RP1: variants seen among roughly 807,000 people sequenced by gnomAD.
The protein encoded by RP1 is oxygen-regulated protein 1.
A neutral mutation model predicts 14.8 loss-of-function variants in RP1; 16 were observed. That is an observed-to-expected ratio of 1.08 (90% confidence interval 0.73 to 1.65). RP1 has a LOEUF of 1.65. Ranked by LOEUF, RP1 falls within the 40% of genes most tolerant of loss-of-function variation. The probability of loss-of-function intolerance (pLI) is 0.00; values close to 1 mark genes in which losing one functional copy is unlikely to be tolerated. For missense variants in RP1, 2,631 were observed against 2,535.0 expected, an observed-to-expected ratio of 1.04 and a Z score of -0.81; for synonymous variants, 876 against 883.6, an observed-to-expected ratio of 0.99 and a Z score of 0.15.
chr8:54,678,604 C>T, intron 9 of RP1: 1 of 1,300,910 alleles, frequency 7.7e-7, no homozygotes, highest in Non-Finnish European at 1.1e-6. Flanking sequence ...GCATTGAGAA[C>T]TGGGTAACTT....
At chr8:54,843,347 G>C (rs913518259) in intron 25 of RP1, among the ~76,000 whole-genome samples, 1 of 152,124 alleles carries the variant, frequency 6.6e-6, no homozygotes, top group African/African-American at 2.4e-5. Context: ...CTCCCAAAAG[G>C]CTGGGATTAC....
chr8:54,831,750 C>T (rs1181489336), intron 24 of RP1, among the ~76,000 whole-genome samples: 2 of 151,480 alleles, frequency 1.3e-5, no homozygotes, highest in Non-Finnish European at 3.0e-5. Flanking sequence ...ATCCATGCTC[C>T]TCCTTTTTTG....
chr8:54,794,701 G>A, intron 24 of RP1, among the ~76,000 whole-genome samples: 1 of 151,832 alleles, frequency 6.6e-6, no homozygotes, highest in Non-Finnish European at 1.5e-5. Flanking sequence ...CAGAAGCACA[G>A]GCAACACAAG....
intron 12 of RP1, among the ~76,000 whole-genome samples, chr8:54,683,531 C>G (rs1361131572): frequency 1.3e-5 from 2 of 152,054 alleles, no homozygotes; most frequent in African/African-American, 4.8e-5. Flanking sequence ...TCCTTGTTAG[C>G]TGTATTCCTA....
At chr8:54,701,528 C>T in exon 14 of RP1, 1 of 1,535,504 alleles carries the variant, frequency 6.5e-7, no homozygotes, top group African/African-American at 1.4e-5. Context: ...GCTTTATCAG[C>T]CTAACCGCTG....
At chr8:54,783,517 T>G in intron 23 of RP1, 1 of 1,182,198 alleles carries the variant, frequency 8.5e-7, no homozygotes, top group Non-Finnish European at 1.1e-6. Flanking sequence ...TCCCCTATAC[T>G]TTTATATTGA....
chr8:54,790,317 C>G (rs1202019984), intron 24 of RP1, among the ~76,000 whole-genome samples: 1 of 152,170 alleles, frequency 6.6e-6, no homozygotes, highest in South Asian at 2.1e-4. Context: ...TCTAAAACTC[C>G]AGGCTGGGCT....
chr8:54,763,805 C>A (rs1386415083), intron 22 of RP1, among the ~76,000 whole-genome samples: 1 of 152,206 alleles, frequency 6.6e-6, no homozygotes, highest in Admixed American at 6.5e-5. Context: ...GGCACATTCA[C>A]CTGAGGAATA....
intron 1 of RP1, among the ~76,000 whole-genome samples, chr8:54,568,031 ACT>A (rs1419254768): frequency 6.6e-6 from 1 of 152,020 alleles, no homozygotes; most frequent in East Asian, 1.9e-4. Flanking sequence ...CTAAAACCAG[ACT>A]CTATTTTTCC....
intron 12 of RP1, among the ~76,000 whole-genome samples, chr8:54,684,101 T>C (rs546229084): frequency 2.2e-4 from 34 of 152,148 alleles, no homozygotes; most frequent in Admixed American, 1.7e-3. Context: ...TCTGTTTATG[T>C]GATGAATTAC....
chr8:54,857,986 T>G (rs1412029685), intron 27 of RP1, among the ~76,000 whole-genome samples: 1 of 152,226 alleles, frequency 6.6e-6, no homozygotes, highest in African/African-American at 2.4e-5. Flanking sequence ...CATATTCCTC[T>G]TTTCTTTCTG....
intron 22 of RP1, among the ~76,000 whole-genome samples, chr8:54,763,112 T>G (rs1244816833): frequency 6.6e-6 from 1 of 152,242 alleles, no homozygotes. Flanking sequence ...CTGTAATGTA[T>G]TGTTTAGCAT....
chr8:54,689,241 A>G (rs1042320920), intron 12 of RP1, among the ~76,000 whole-genome samples: 2 of 152,244 alleles, frequency 1.3e-5, no homozygotes, highest in African/African-American at 4.8e-5. Flanking sequence ...CTAAATATAC[A>G]ATCATGTCAT....
upstream of RP1, among the ~76,000 whole-genome samples, chr8:54,615,594 C>T (rs1415325541): frequency 6.6e-6 from 1 of 152,142 alleles, no homozygotes; most frequent in Non-Finnish European, 1.5e-5. Context: ...GCTGCTTCTG[C>T]TGTTTGTCCT....
chr8:54,636,633 G>A (rs745831689), intron 3 of RP1, among the ~76,000 whole-genome samples: 15 of 152,154 alleles, frequency 9.9e-5, no homozygotes, highest in Non-Finnish European at 1.8e-4. Context: ...AGCTACTCGG[G>A]AGGCTGAGGC....
intron 6 of RP1, among the ~76,000 whole-genome samples, chr8:54,663,393 GC>G (rs1806942783): frequency 6.6e-6 from 1 of 152,154 alleles, no homozygotes; most frequent in South Asian, 2.1e-4. Context: ...TGTCAAATTT[GC>G]TAAGATTTGT....
intron 15 of RP1, among the ~76,000 whole-genome samples, chr8:54,715,138 G>A (rs1042561250): frequency 6.6e-6 from 1 of 152,258 alleles, no homozygotes; most frequent in Non-Finnish European, 1.5e-5. Context: ...TATCACTTGG[G>A]TGATGGTAAC....
intron 24 of RP1, among the ~76,000 whole-genome samples, chr8:54,789,555 G>A (rs944985034): frequency 2.6e-5 from 4 of 152,120 alleles, no homozygotes; most frequent in African/African-American, 9.7e-5. Flanking sequence ...AGGGAGCTAG[G>A]CTAGCAATCC....
intron 1 of RP1, among the ~76,000 whole-genome samples, chr8:54,570,706 C>T (rs1475252160): frequency 6.6e-6 from 1 of 151,584 alleles, no homozygotes; most frequent in Non-Finnish European, 1.5e-5. Flanking sequence ...CTCACAGAAA[C>T]CTAACAACCA....
Sources: gnomAD v4.1 joint callset for allele counts (sites outside exome capture counted in the v4.1 genomes callset) on GRCh38, gnomAD v4.1.1 for gene constraint, MANE v1.5 for transcripts, NCBI Gene and HGNC (gene_info 2026-07-23, HGNC 2026-07-21) for gene names.